SUMF1: variants seen among roughly 807,000 people sequenced by gnomAD.
SUMF1 encodes the protein formylglycine-generating enzyme.
In SUMF1, 48 loss-of-function variants were observed where a neutral mutation model predicts 47.6. The ratio of observed to expected loss-of-function variants is 1.01; its 90% CI spans 0.80 to 1.28. The LOEUF is 1.28. Among genes scored for constraint, SUMF1 ranks in the 50% most tolerant of loss-of-function variants. The pLI is 0.00. For missense variants in SUMF1, 571 were observed against 485.4 expected, an observed-to-expected ratio of 1.18 and a Z score of -1.66; for synonymous variants, 230 against 192.1, an observed-to-expected ratio of 1.20 and a Z score of -1.63.
At chr3:4,121,866 C>G (rs990773090) in intron 8 of SUMF1, among the ~76,000 whole-genome samples, 2 of 152,076 alleles carry the variant, frequency 1.3e-5, no homozygotes, top group Non-Finnish European at 2.9e-5. Flanking sequence ...TCTCCTTCCT[C>G]CCATCCTCCC....
intron 8 of SUMF1, among the ~76,000 whole-genome samples, chr3:4,148,529 A>C (rs1442255430): frequency 6.6e-6 from 1 of 152,130 alleles, no homozygotes; most frequent in African/African-American, 2.4e-5. Context: ...TCCCTCCCAC[A>C]CAAAAGGGCT....
chr3:4,303,800 G>C lies in SUMF1; in HGVS notation c.1014+72530C>G, dbSNP rs74371893. 6.5e-3 allele frequency: 9,089 copies of C among 1,408,504 alleles called. 524 individuals carry two copies. In the African/African-American group the frequency reaches 0.12, roughly 18 times the overall value. 87.3% of individuals were successfully genotyped at this position (1,408,504 alleles called of 1,614,324 possible). On this transcript the variant is annotated intron_variant and NMD_transcript_variant, in intron 8 of 12. Coordinates refer to the SUMF1 transcript ENST00000448413. ...AGAACCTGGCTTTTTGTCCAGTCCT[G>C]TCCTCAGAACTCAAGGAGGCATCAC... is the stretch of plus-strand genomic sequence containing the variant.
intron 8 of SUMF1, among the ~76,000 whole-genome samples, chr3:4,335,960 CAA>C (rs770091674): frequency 1.4e-5 from 1 of 73,906 alleles, no homozygotes; most frequent in Non-Finnish European, 2.3e-5. Flanking sequence ...GATTCCAACT[CAA>C]AAAAAAAAAA....
chr3:4,229,336 A>G, intron 8 of SUMF1: 1 of 414,910 alleles, frequency 2.4e-6, no homozygotes, highest in Non-Finnish European at 4.8e-6. Context: ...TGAGCCTTTG[A>G]TAATCCACCT....
intron 8 of SUMF1, among the ~76,000 whole-genome samples, chr3:4,338,369 C>A (rs1699198337): frequency 6.6e-6 from 1 of 152,148 alleles, no homozygotes; most frequent in Admixed American, 6.5e-5. Context: ...GGGAAGGTCT[C>A]TTAAAATCTC....
intron 2 of SUMF1, among the ~76,000 whole-genome samples, chr3:4,452,092 T>C (rs138162621): frequency 6.6e-6 from 1 of 152,026 alleles, no homozygotes; most frequent in Non-Finnish European, 1.5e-5. Context: ...TCTCAAATTA[T>C]TCATTTAATA....
chr3:4,061,883 G>T (rs1395503068), intron 9 of SUMF1, among the ~76,000 whole-genome samples: 1 of 152,106 alleles, frequency 6.6e-6, no homozygotes, highest in Non-Finnish European at 1.5e-5. Flanking sequence ...AAGTATGTAA[G>T]GAGGCCGCTT....
At chr3:4,113,921 G>A (rs1693367218) in intron 8 of SUMF1, among the ~76,000 whole-genome samples, 1 of 152,074 alleles carries the variant, frequency 6.6e-6, no homozygotes, top group Non-Finnish European at 1.5e-5. Flanking sequence ...TTAGATAGTG[G>A]TAATATGAAC....
intron 9 of SUMF1, among the ~76,000 whole-genome samples, chr3:4,056,738 A>C (rs1559432438): frequency 6.6e-6 from 1 of 151,738 alleles, no homozygotes. Context: ...GTGATCCATA[A>C]TTTTTTTTAT....
chr3:4,202,040 C>A (rs1173868031), intron 8 of SUMF1, among the ~76,000 whole-genome samples: 1 of 151,786 alleles, frequency 6.6e-6, no homozygotes, highest in Non-Finnish European at 1.5e-5. Flanking sequence ...AAATATACTC[C>A]CATTCTGTGG....
At chr3:4,106,426 T>G (rs1379589484) in intron 8 of SUMF1, among the ~76,000 whole-genome samples, 1 of 152,126 alleles carries the variant, frequency 6.6e-6, no homozygotes, top group African/African-American at 2.4e-5. Flanking sequence ...CATATACCCT[T>G]CAAGAGATAA....
intron 9 of SUMF1, among the ~76,000 whole-genome samples, chr3:4,055,192 G>T (rs1178495736): frequency 1.3e-5 from 2 of 152,126 alleles, no homozygotes; most frequent in Non-Finnish European, 2.9e-5. Flanking sequence ...TGGTACAAAT[G>T]ATGATATGGC....
intron 8 of SUMF1, among the ~76,000 whole-genome samples, chr3:4,206,619 C>T (rs970184634): frequency 5.3e-5 from 8 of 152,086 alleles, no homozygotes; most frequent in Non-Finnish European, 8.8e-5. Context: ...GTATTTCCTA[C>T]CTCTTCAGTG....
chr3:4,452,306 C>A (rs1297606579), intron 2 of SUMF1, among the ~76,000 whole-genome samples: 1 of 152,186 alleles, frequency 6.6e-6, no homozygotes, highest in African/African-American at 2.4e-5. Context: ...CTATCAGAAC[C>A]TTGCTTTGTG....
At chr3:4,281,498 T>G (rs1697528490) in intron 8 of SUMF1, among the ~76,000 whole-genome samples, 2 of 152,282 alleles carry the variant, frequency 1.3e-5, no homozygotes, top group Non-Finnish European at 2.9e-5. Flanking sequence ...GTAAAGTAAC[T>G]GAGATTCTCA....
chr3:4,190,474 A>G (rs909564236), intron 8 of SUMF1, among the ~76,000 whole-genome samples: 12 of 143,488 alleles, frequency 8.4e-5, no homozygotes, highest in African/African-American at 2.1e-4. Context: ...ATGAAGGCCA[A>G]TAAGAAGTAT....
intron 7 of SUMF1, among the ~76,000 whole-genome samples, chr3:4,381,062 CTG>C (rs2124876245): frequency 6.6e-6 from 1 of 152,324 alleles, no homozygotes; most frequent in East Asian, 1.9e-4. Context: ...CGACTGCACT[CTG>C]TGTAGTCAAG....
At chr3:4,269,027 C>A (rs2125033291) in intron 8 of SUMF1, among the ~76,000 whole-genome samples, 1 of 152,078 alleles carries the variant, frequency 6.6e-6, no homozygotes, top group South Asian at 2.1e-4. Flanking sequence ...TTTAAAGTAA[C>A]TTTTTAACCA....
intron 9 of SUMF1, among the ~76,000 whole-genome samples, chr3:4,047,587 A>C (rs543853529): frequency 6.6e-6 from 1 of 152,182 alleles, no homozygotes; most frequent in Non-Finnish European, 1.5e-5. Context: ...GTGAGAAGGA[A>C]GTCTGGTGAG....
Sources: gnomAD v4.1 joint callset for allele counts (sites outside exome capture counted in the v4.1 genomes callset) on GRCh38, gnomAD v4.1.1 for gene constraint, MANE v1.5 for transcripts, NCBI Gene and HGNC (gene_info 2026-07-23, HGNC 2026-07-21) for gene names.